Variants in PCOLCE2 observed in about 807,000 individuals in gnomAD.
The protein encoded by PCOLCE2 is procollagen C-endopeptidase enhancer 2, also known as procollagen C-proteinase enhancer 2.
In PCOLCE2, 42 loss-of-function variants were observed where a neutral mutation model predicts 47.0. That is an observed-to-expected ratio of 0.89 (90% CI 0.70 to 1.16). The LOEUF (loss-of-function observed/expected upper bound fraction) is 1.16. Ranked by LOEUF, PCOLCE2 falls within the 50% of genes most tolerant of loss-of-function variation. The probability of loss-of-function intolerance (pLI) is 0.00; values close to 1 mark genes in which losing one functional copy is unlikely to be tolerated. For missense variants in PCOLCE2, 500 were observed against 526.1 expected (o/e 0.95, Z 0.49); for synonymous variants, 169 against 191.7 (o/e 0.88, Z 0.98).
chr3:142,829,569 C>G (rs1189160171), intron 6 of PCOLCE2, 123 bp downstream of exon 6: 1 of 693,100 alleles, frequency 1.4e-6, no homozygotes, highest in African/African-American at 1.8e-5. Flanking sequence ...TATTCTCTTA[C>G]CAAAGCTTTC....
chr3:142,884,606 TA>T (rs1435733829), intron 2 of PCOLCE2, among the ~76,000 whole-genome samples: 1 of 152,098 alleles, frequency 6.6e-6, no homozygotes. Flanking sequence ...ACACATACAG[TA>T]AAAGTAAAAA....
rs745408122 is a variant in PCOLCE2, at chr3:142,820,974, T to A, written c.1021A>T (p.Ile341Phe). Residue 341 changes from isoleucine to phenylalanine, a missense_variant, in exon 8 of 9, where the codon ATC (isoleucine) becomes TTC (phenylalanine). Ile to Phe is a conservative substitution (Grantham distance 21). Transcript: ENST00000295992. ...ATCGCCAAATTTCCCTCTTTGTAGA[T>A]GTTGATGATCGAGACTGTGGCGTGC... is the stretch of plus-strand genomic sequence containing the variant. ...SLHATVSIIN[I>F]YKEGNLAIQQ... 6.2e-7 allele frequency: 1 copy of A among 1,613,930 alleles called. No individual in the cohort carries two copies. The highest frequency in any genetic ancestry group is 1.3e-5 in the African/African-American group (1 of 74,892).
rs372372434 is a variant in PCOLCE2, at chr3:142,818,501, C to G, written c.1118-36G>C. ...AGAATACAGAAATTAATCTTTTTCT[C>G]TATGTATCATGTGTGAAACAACTTA... is the stretch of plus-strand genomic sequence containing the variant. On this transcript the variant is annotated intron_variant, in intron 8 of 8. Transcript: ENST00000295992. 3.4e-5 allele frequency: 52 copies of G among 1,527,088 alleles called. No individual in the cohort carries two copies. In the African/African-American group the frequency reaches 5.6e-4, roughly 16 times the overall value. The allele number at this position is 1,527,088 out of a possible 1,614,324, so 94.6% of individuals were successfully genotyped here. A position where few individuals can be genotyped will look rare whatever the true frequency, so the allele number is the denominator to read the frequency against.
At chr3:142,857,907 C>G (rs1377879496) in intron 2 of PCOLCE2, among the ~76,000 whole-genome samples, 1 of 152,244 alleles carries the variant, frequency 6.6e-6, no homozygotes, top group Non-Finnish European at 1.5e-5. Context: ...ATCTACCCCC[C>G]AGCCATTTGT....
intron 7 of PCOLCE2, among the ~76,000 whole-genome samples, chr3:142,822,398 C>A (rs1036386080): frequency 3.9e-5 from 6 of 152,070 alleles, no homozygotes; most frequent in African/African-American, 1.4e-4. Flanking sequence ...TAAGCGGTCA[C>A]ATTAATGGAA....
chr3:142,824,752 GC>G (rs1937054981), intron 6 of PCOLCE2, among the ~76,000 whole-genome samples: 1 of 152,158 alleles, frequency 6.6e-6, no homozygotes, highest in Admixed American at 6.5e-5. Flanking sequence ...CAATTCTCCT[GC>G]CTCAGCCTCC....
chr3:142,852,511 C>G (rs1932968238), intron 2 of PCOLCE2, among the ~76,000 whole-genome samples: 1 of 151,832 alleles, frequency 6.6e-6, no homozygotes, highest in Non-Finnish European at 1.5e-5. Flanking sequence ...TTTAAAGTCT[C>G]CTTTAATGAA....
At chr3:142,865,155 T>C (rs1201903088) in intron 2 of PCOLCE2, among the ~76,000 whole-genome samples, 2 of 151,730 alleles carry the variant, frequency 1.3e-5, no homozygotes, top group Non-Finnish European at 2.9e-5. Flanking sequence ...CTATTCTCTG[T>C]GTTTTTTTTT....
At chr3:142,874,589 T>C (rs1200179881) in intron 2 of PCOLCE2, among the ~76,000 whole-genome samples, 1 of 152,244 alleles carries the variant, frequency 6.6e-6, no homozygotes, top group African/African-American at 2.4e-5. Flanking sequence ...CATCTCCTTT[T>C]ACCAGAAATC....
At position 142,887,650 on chromosome 3, in the gene PCOLCE2, C is replaced by T. The variant is rs202166234; in HGVS notation, c.192+19G>A. The T allele has an allele frequency of 5.1e-5, 67 of 1,310,800 alleles. No homozygotes were observed. Among genetic ancestry groups the T allele is most frequent in the Non-Finnish European group, 7.2e-5 (65 of 903,788 alleles). The allele number at this position is 1,310,800 out of a possible 1,614,324, so 81.2% of individuals were successfully genotyped here. ...CCAACACCCACTTCCAGGAGAATAC[C>T]TTTTTAAAAAATGCTTACTGTGATT... is the stretch of plus-strand genomic sequence containing the variant. On this transcript the variant is annotated intron_variant, in intron 2 of 8. Transcript: ENST00000295992.
chr3:142,885,527 T>C (rs1169612194), intron 2 of PCOLCE2, among the ~76,000 whole-genome samples: 9 of 152,194 alleles, frequency 5.9e-5, no homozygotes, highest in Admixed American at 5.9e-4. Context: ...CTGTCTGGAA[T>C]GGCTAAGCAG....
At chr3:142,828,338 G>A (rs1484046413) in intron 6 of PCOLCE2, among the ~76,000 whole-genome samples, 1 of 152,202 alleles carries the variant, frequency 6.6e-6, no homozygotes, top group Non-Finnish European at 1.5e-5. Flanking sequence ...GTAGTCACTA[G>A]TCACATGAAG....
intron 2 of PCOLCE2, among the ~76,000 whole-genome samples, chr3:142,857,811 G>A (rs770836968): frequency 1.1e-4 from 16 of 152,110 alleles, no homozygotes; most frequent in Non-Finnish European, 2.4e-4. Flanking sequence ...GAATAACAGA[G>A]GAGCTTCCTA....
intron 2 of PCOLCE2, among the ~76,000 whole-genome samples, chr3:142,873,635 C>T (rs1287584215): frequency 1.3e-5 from 2 of 152,116 alleles, no homozygotes; most frequent in Non-Finnish European, 2.9e-5. Context: ...ACAGAGAAAG[C>T]ACATAGGAGC....
rs190433689 is a variant in PCOLCE2, at chr3:142,880,016, A to G, written c.192+7653T>C. 2.6e-5 allele frequency among the ~76,000 whole-genome samples: 4 copies of G among 151,108 alleles called. No homozygotes were observed. In the East Asian group the frequency reaches 7.8e-4, roughly 29 times the overall value. ...AGGAATTGTAAAGTTTCCAAATTAT[A>G]CTTTCTGGATTAAAAAATAAACAAC... On this transcript the variant is annotated intron_variant, in intron 2 of 8. Coordinates refer to ENST00000295992, the MANE Select transcript of PCOLCE2 (RefSeq NM_013363.4).
At chr3:142,870,301 G>A (rs554022464) in intron 2 of PCOLCE2, among the ~76,000 whole-genome samples, 2 of 152,184 alleles carry the variant, frequency 1.3e-5, no homozygotes, top group African/African-American at 4.8e-5. Context: ...TTGACGGATA[G>A]ATCACACTCG....
chr3:142,879,448 C>T (rs1382225438), intron 2 of PCOLCE2, among the ~76,000 whole-genome samples: 1 of 151,934 alleles, frequency 6.6e-6, no homozygotes, highest in Admixed American at 6.6e-5. Context: ...AAAAAGAAAA[C>T]AAAAACAAGC....
Position 142,842,793 on chromosome 3 carries a change from G to A in PCOLCE2, c.573+131C>T. ...CGCATGAAGAAATACCTGTGTCCAG[G>A]AACCTTCCTCTTCTTGTATCCCTTA... On this transcript the variant is annotated intron_variant, in intron 4 of 8. Coordinates refer to ENST00000295992, the MANE Select transcript of PCOLCE2 (RefSeq NM_013363.4). The surrounding 1 kb of genome is among the most constrained non-coding windows in gnomAD (Gnocchi z 4.1). 1.2e-6 allele frequency: 1 copy of A among 843,524 alleles called. No individual in the cohort carries two copies. Among genetic ancestry groups the A allele is most frequent in the Non-Finnish European group, 1.9e-6 (1 of 529,376 alleles). 52.3% of individuals were successfully genotyped at this position (843,524 alleles called of 1,614,324 possible).
chr3:142,820,121 T>C (rs190216991), intron 8 of PCOLCE2, among the ~76,000 whole-genome samples: 1 of 150,976 alleles, frequency 6.6e-6, no homozygotes, highest in South Asian at 2.1e-4. Flanking sequence ...TTTTTTTTTT[T>C]ATAGAAATAG....
Sources: allele counts gnomAD v4.1 joint callset (sites outside exome capture counted in the v4.1 genomes callset), GRCh38; gene constraint gnomAD v4.1.1; non-coding constraint Gnocchi (gnomAD v3.1); transcripts MANE v1.5; gene names NCBI Gene and HGNC (gene_info 2026-07-23, HGNC 2026-07-21).